The following XRN2 variants were observed in gnomAD, a reference collection of about 807,000 sequenced individuals.
The protein encoded by XRN2 is DHM1-like protein.
Under a neutral mutation model 138.5 loss-of-function variants are expected in XRN2, and 44 were observed. The ratio of observed to expected loss-of-function variants is 0.32; its 90% CI spans 0.25 to 0.41. XRN2 has a LOEUF of 0.41. XRN2 is among the 10% of genes least tolerant of loss of function. The pLI is 1.00. For missense variants in XRN2, 937 were observed against 1,169.3 expected (o/e 0.80, Z 2.90); for synonymous variants, 354 against 369.4 (o/e 0.96, Z 0.48).
intron 24 of XRN2, 41 bp downstream of exon 24, chr20:21,357,833 C>G (rs747654260): frequency 2.0e-6 from 3 of 1,534,516 alleles, no homozygotes; most frequent in Non-Finnish European, 2.7e-6. Context: ...CAGAACACAG[C>G]TCTGAACTTG....
Position 21,389,326 on chromosome 20 carries a change from C to G in XRN2, c.2841C>G (p.Tyr947Ter). 5 of 1,612,792 alleles carry G rather than the reference C, an allele frequency of 3.1e-6. No homozygotes were observed. The highest frequency in any genetic ancestry group is 4.2e-6 in the Non-Finnish European group (5 of 1,179,362). ...KYPLPPPSGR[Y>*]NWN ...CTTTGCCACCACCCTCAGGAAGATACAATTGGAATTAAGCTTTTGTAAAGC... is the reference window on the plus strand; with the variant it reads ...CTTTGCCACCACCCTCAGGAAGATAGAATTGGAATTAAGCTTTTGTAAAGC... The change falls in exon 30 of 30, where the codon TAC becomes TAG. Residue 947 changes from tyrosine (Y) to a stop codon, truncating the protein, a stop_gained. Transcript: ENST00000377191. LOFTEE classifies it high-confidence loss of function.
At chr20:21,314,894 G>A (rs1232049945) in intron 1 of XRN2, among the ~76,000 whole-genome samples, 1 of 152,198 alleles carries the variant, frequency 6.6e-6, no homozygotes, top group Non-Finnish European at 1.5e-5. Context: ...CAAATAGACA[G>A]TAAAGGACAA....
intron 14 of XRN2, among the ~76,000 whole-genome samples, chr20:21,340,179 C>T (rs1444155697): frequency 6.6e-6 from 1 of 152,042 alleles, no homozygotes; most frequent in East Asian, 1.9e-4. Context: ...CCTGTAATCC[C>T]AGCTACTCGG....
At chr20:21,360,456 TG>T (rs1411687764) in intron 24 of XRN2, among the ~76,000 whole-genome samples, 1 of 150,100 alleles carries the variant, frequency 6.7e-6, no homozygotes, top group Admixed American at 6.6e-5. Context: ...GTTGTTAGGT[TG>T]TTTTTTTTTT....
At chr20:21,326,706 A>G in intron 3 of XRN2, 105 bp downstream of exon 3, 1 of 875,624 alleles carries the variant, frequency 1.1e-6, no homozygotes. Flanking sequence ...GACAGTGATG[A>G]ACTTGAGAAA....
intron 27 of XRN2, among the ~76,000 whole-genome samples, chr20:21,375,408 T>C (rs2038809745): frequency 6.6e-6 from 1 of 152,066 alleles, no homozygotes; most frequent in Non-Finnish European, 1.5e-5. Flanking sequence ...AGGTAATTTA[T>C]TTTTGGTCTT....
intron 6 of XRN2, 105 bp downstream of exon 6, chr20:21,330,810 C>T (rs1393360288): frequency 2.8e-6 from 3 of 1,066,664 alleles, no homozygotes; most frequent in African/African-American, 3.2e-5. Context: ...CCATAAAATG[C>T]TAGTTGACTG....
chr20:21,321,436 C>G (rs2122188293), intron 1 of XRN2, among the ~76,000 whole-genome samples: 1 of 151,872 alleles, frequency 6.6e-6, no homozygotes, highest in South Asian at 2.1e-4. Flanking sequence ...TCATGCAGAC[C>G]TCTGCCTTAA....
At chr20:21,354,932 A>G in intron 21 of XRN2, 60 bp downstream of exon 21, 2 of 1,351,914 alleles carry the variant, frequency 1.5e-6, no homozygotes, top group South Asian at 1.4e-5. Context: ...ATATTTCTGT[A>G]TAAAATTAGA....
chr20:21,356,072 C>T lies in XRN2; in HGVS notation c.2021-8C>T. The T allele has an allele frequency of 2.5e-6, 4 of 1,598,190 alleles. No homozygotes were observed. Among genetic ancestry groups the T allele is most frequent in the Non-Finnish European group, 3.4e-6 (4 of 1,172,644 alleles). ...ATGTGTAGGTCTTATTCTTTTCTTT[C>T]TCCCTAGCCAGAAGAAACAGCCTTG... On this transcript the variant is annotated splice_polypyrimidine_tract_variant and splice_region_variant and intron_variant, in intron 21 of 29. Coordinates refer to ENST00000377191, the MANE Select transcript of XRN2 (RefSeq NM_012255.5).
rs137955060 is a variant in XRN2 at position 21,362,997 on chromosome 20, T to C, written c.2256-2424T>C. ...GGTCCTGGGACCCTTTCCATATCTT[T>C]GTTCCATTTGTTTCCTCTGCCACCC... On this transcript the variant is annotated intron_variant, in intron 24 of 29. Coordinates refer to ENST00000377191, the MANE Select transcript of XRN2 (RefSeq NM_012255.5). Among the ~76,000 whole-genome samples the C allele has an allele frequency of 8.3e-3, 1,270 of 152,284 alleles. 13 individuals carry two copies. Among genetic ancestry groups the C allele is most frequent in the Admixed American group, 0.016 (245 of 15,304 alleles).
intron 27 of XRN2, among the ~76,000 whole-genome samples, chr20:21,374,704 G>A (rs2038799205): frequency 6.6e-6 from 1 of 152,054 alleles, no homozygotes; most frequent in Non-Finnish European, 1.5e-5. Context: ...CTATGTGTCA[G>A]TGTATGGTGG....
chr20:21,308,916 G>A (rs1364828963), intron 1 of XRN2, among the ~76,000 whole-genome samples: 1 of 152,164 alleles, frequency 6.6e-6, no homozygotes, highest in Non-Finnish European at 1.5e-5. Flanking sequence ...TCTTAGAGAA[G>A]TTTTATAGTT....
At chr20:21,313,724 C>G (rs1275371657) in intron 1 of XRN2, among the ~76,000 whole-genome samples, 3 of 152,180 alleles carry the variant, frequency 2.0e-5, no homozygotes, top group Non-Finnish European at 4.4e-5. Context: ...TCTTACTGTT[C>G]TCATGTAATG....
intron 27 of XRN2, among the ~76,000 whole-genome samples, chr20:21,374,393 A>G (rs1350295774): frequency 1.3e-5 from 2 of 152,132 alleles, no homozygotes; most frequent in East Asian, 1.9e-4. Flanking sequence ...TTCATTCCCA[A>G]TCAGTTTTAA....
chr20:21,326,017 A>C (rs528603061), intron 1 of XRN2, among the ~76,000 whole-genome samples: 4 of 152,236 alleles, frequency 2.6e-5, no homozygotes, highest in Admixed American at 6.5e-5. Context: ...ATGATTTCTC[A>C]CTTGAACAAC....
intron 27 of XRN2, among the ~76,000 whole-genome samples, chr20:21,381,428 T>C (rs1289877486): frequency 6.6e-6 from 1 of 152,208 alleles, no homozygotes; most frequent in Non-Finnish European, 1.5e-5. Flanking sequence ...CTAGTTCAGC[T>C]TTGCGTTACA....
At chr20:21,363,403 C>T (rs1226389519) in intron 24 of XRN2, among the ~76,000 whole-genome samples, 1 of 152,158 alleles carries the variant, frequency 6.6e-6, no homozygotes, top group African/African-American at 2.4e-5. Flanking sequence ...TGCTTTGTTA[C>T]TTGACTTTTT....
In XRN2 at chr20:21,356,122, A is replaced by G; in HGVS notation, c.2063A>G (p.Lys688Arg). 5.6e-6 allele frequency: 9 copies of G among 1,612,898 alleles called. No individual in the cohort carries two copies. In the Admixed American group the frequency reaches 6.7e-5, roughly 12 times the overall value. Residue 688 changes from lysine (K) to arginine (R), a missense_variant, in exon 22 of 30, where the codon AAA becomes AGA. Around this residue, in one of 6 missense-constraint regions of XRN2, gnomAD observed 372 missense variants for 414.4 expected, o/e 0.90. Coordinates refer to ENST00000377191, the MANE Select transcript of XRN2 (RefSeq NM_012255.5). The part of the protein sequence containing the change: ...SLGGDVLFVG[K>R]HHPLHDFILE... ...GGAGGTGATGTCTTATTTGTGGGGA[A>G]ACATCACCCACTCCATGACTTCATT...
Sources: allele counts gnomAD v4.1 joint callset (sites outside exome capture counted in the v4.1 genomes callset), GRCh38; gene constraint gnomAD v4.1.1; regional missense constraint gnomAD v4.1.1; transcripts MANE v1.5; gene names NCBI Gene and HGNC (gene_info 2026-07-23, HGNC 2026-07-21).